Variants in RALYL observed in about 807,000 individuals in gnomAD.
RALYL encodes the protein RALY RNA binding protein like.
RALYL carries 29 observed loss-of-function variants against 35.1 expected under a neutral mutation model. The ratio of observed to expected loss-of-function variants is 0.83; its 90% confidence interval spans 0.61 to 1.13. The LOEUF (loss-of-function observed/expected upper bound fraction) is 1.13. Among genes scored for constraint, RALYL ranks in the 50% most tolerant of loss-of-function variants. The probability of loss-of-function intolerance (pLI) is 0.00; values close to 1 mark genes in which losing one functional copy is unlikely to be tolerated. For synonymous variants in RALYL, 120 were observed against 127.6 expected, an observed-to-expected ratio of 0.94 and a Z score of 0.40; for missense variants, 359 against 360.4, an observed-to-expected ratio of 1.00 and a Z score of 0.03.
At chr8:84,882,979 G>A (rs1842413392) in intron 7 of RALYL, among the ~76,000 whole-genome samples, 1 of 152,020 alleles carries the variant, frequency 6.6e-6, no homozygotes, top group African/African-American at 2.4e-5. Flanking sequence ...TAAAGAAGAT[G>A]TGCTTTCATG....
intron 2 of RALYL, among the ~76,000 whole-genome samples, chr8:84,712,596 G>A (rs939205813): frequency 2.0e-5 from 3 of 152,072 alleles, no homozygotes; most frequent in African/African-American, 7.2e-5. Context: ...AAAACAACTT[G>A]ACTATCATAT....
chr8:84,460,493 G>A (rs1443726132), intron 1 of RALYL, among the ~76,000 whole-genome samples: 1 of 151,602 alleles, frequency 6.6e-6, no homozygotes, highest in Non-Finnish European at 1.5e-5. Flanking sequence ...AAAAAGAAAT[G>A]CAAAAACTCT....
intron 1 of RALYL, among the ~76,000 whole-genome samples, chr8:84,203,430 G>A (rs372664555): frequency 1.3e-5 from 2 of 152,172 alleles, no homozygotes; most frequent in South Asian, 2.1e-4. Context: ...TGTGTTAAGT[G>A]GGGTGTTCTC....
intron 2 of RALYL, among the ~76,000 whole-genome samples, chr8:84,753,211 C>T (rs1014119721): frequency 1.3e-5 from 2 of 152,162 alleles, no homozygotes; most frequent in Non-Finnish European, 2.9e-5. Flanking sequence ...TGCAGGGGGC[C>T]TGTGGCTTCT....
chr8:84,591,428 A>G (rs1223280516), intron 2 of RALYL, among the ~76,000 whole-genome samples: 1 of 152,198 alleles, frequency 6.6e-6, no homozygotes, highest in Non-Finnish European at 1.5e-5. Flanking sequence ...CAGGGGTAAG[A>G]TGCAGATGGG....
At chr8:84,539,961 A>G (rs1177487519) in intron 2 of RALYL, among the ~76,000 whole-genome samples, 2 of 148,108 alleles carry the variant, frequency 1.4e-5, no homozygotes, top group Non-Finnish European at 3.0e-5. Context: ...TTTACATGTA[A>G]TTAAACGTAT....
chr8:84,605,697 TG>T (rs1816963381), intron 2 of RALYL, among the ~76,000 whole-genome samples: 1 of 152,108 alleles, frequency 6.6e-6, no homozygotes, highest in Admixed American at 6.6e-5. Context: ...GGGCATGCCC[TG>T]TAAATCCCCA....
At chr8:84,701,121 A>G (rs1328792759) in intron 2 of RALYL, among the ~76,000 whole-genome samples, 1 of 152,150 alleles carries the variant, frequency 6.6e-6, no homozygotes, top group East Asian at 1.9e-4. Flanking sequence ...TGAATGACCT[A>G]GGAGAAAGGT....
intron 2 of RALYL, among the ~76,000 whole-genome samples, chr8:84,575,707 G>A (rs1809226638): frequency 6.6e-6 from 1 of 152,050 alleles, no homozygotes; most frequent in Non-Finnish European, 1.5e-5. Flanking sequence ...TTATCTCATT[G>A]GCATATCCAA....
At chr8:84,444,708 C>A (rs1383029756) in intron 1 of RALYL, among the ~76,000 whole-genome samples, 1 of 151,872 alleles carries the variant, frequency 6.6e-6, no homozygotes, top group Non-Finnish European at 1.5e-5. Context: ...AGACAAGCGT[C>A]CATGCAAAAA....
At chr8:84,653,554 A>G (rs1239597930) in intron 2 of RALYL, among the ~76,000 whole-genome samples, 2 of 151,904 alleles carry the variant, frequency 1.3e-5, no homozygotes, top group Non-Finnish European at 2.9e-5. Context: ...TCATTTCCCA[A>G]TGGCTTCCTT....
intron 1 of RALYL, among the ~76,000 whole-genome samples, chr8:84,377,634 T>C (rs560919222): frequency 3.0e-4 from 46 of 151,634 alleles, no homozygotes; most frequent in Non-Finnish European, 6.0e-4. Flanking sequence ...GAGAGTGTCC[T>C]TTTCTATACT....
chr8:84,907,924 TTCTCTCTCAA>T (rs1363128139), intron 8 of RALYL, among the ~76,000 whole-genome samples: 2 of 152,098 alleles, frequency 1.3e-5, no homozygotes, highest in Non-Finnish European at 2.9e-5. Flanking sequence ...CCTCTCCTGT[TTCTCTCTCAA>T]TCTCTCTTTC....
chr8:84,589,837 T>C (rs1191045119), intron 2 of RALYL, among the ~76,000 whole-genome samples: 1 of 152,152 alleles, frequency 6.6e-6, no homozygotes, highest in Non-Finnish European at 1.5e-5. Context: ...TTAAAATTAT[T>C]AAAAAGTCAT....
chr8:84,523,971 AAC>A (rs1375723986), intron 1 of RALYL, among the ~76,000 whole-genome samples: 5 of 152,216 alleles, frequency 3.3e-5, no homozygotes, highest in African/African-American at 7.2e-5. Context: ...TGCTGCAATA[AAC>A]ATACATGTGC....
At position 84,873,265 on chromosome 8, in the gene RALYL, C is replaced by T; in HGVS notation, c.572-19C>T. 1 of 1,399,624 alleles carries T rather than the reference C, an allele frequency of 7.1e-7. No individual in the cohort carries two copies. The highest frequency in any genetic ancestry group is 9.9e-7 in the Non-Finnish European group (1 of 1,005,744). The allele number at this position is 1,399,624 out of a possible 1,614,324, so 86.7% of individuals were successfully genotyped here. ...GCATTTGATGCTCTGTTGTTTTCTTCCTTCTTTCTACTTTCCAGTGAAATC... is the reference window on the plus strand; with the variant it reads ...GCATTTGATGCTCTGTTGTTTTCTTTCTTCTTTCTACTTTCCAGTGAAATC... On this transcript the variant is annotated intron_variant, in intron 6 of 8. Coordinates refer to ENST00000521268, the MANE Select transcript of RALYL (RefSeq NM_173848.7).
At chr8:84,769,182 A>G (rs1437563594) in intron 2 of RALYL, among the ~76,000 whole-genome samples, 1 of 152,156 alleles carries the variant, frequency 6.6e-6, no homozygotes, top group Non-Finnish European at 1.5e-5. Flanking sequence ...ATCTGTTTTT[A>G]TTTTACATGC....
At chr8:84,651,134 A>G (rs909065579) in intron 2 of RALYL, among the ~76,000 whole-genome samples, 3 of 152,016 alleles carry the variant, frequency 2.0e-5, no homozygotes, top group Non-Finnish European at 4.4e-5. Flanking sequence ...TGATGAGTTA[A>G]TGGGTGCAGC....
intron 1 of RALYL, among the ~76,000 whole-genome samples, chr8:84,321,818 TTAAAG>T (rs1213308527): frequency 2.6e-5 from 4 of 151,930 alleles, no homozygotes; most frequent in Admixed American, 6.6e-5. Flanking sequence ...TAAGACAGAC[TTAAAG>T]TAAAGAAATG....
Sources: gnomAD v4.1 joint callset for allele counts (sites outside exome capture counted in the v4.1 genomes callset) on GRCh38, gnomAD v4.1.1 for gene constraint, MANE v1.5 for transcripts, NCBI Gene and HGNC (gene_info 2026-07-23, HGNC 2026-07-21) for gene names.